Variants in IL4I1 observed in about 807,000 individuals in gnomAD.
IL4I1 encodes the protein interleukin 4 induced 1.
In IL4I1, 24 loss-of-function variants were observed where a neutral mutation model predicts 29.7. The ratio of observed to expected loss-of-function variants is 0.81; its 90% CI spans 0.59 to 1.14. The LOEUF is 1.14. Ranked by LOEUF, IL4I1 falls within the 50% of genes most tolerant of loss-of-function variation. The pLI, the probability that IL4I1 is intolerant of heterozygous loss-of-function variation, is 0.00. For synonymous variants in IL4I1, 371 were observed against 352.5 expected (o/e 1.05, Z -0.59); for missense variants, 686 against 785.6 (o/e 0.87, Z 1.52).
chr19:49,915,097 G>A (rs1018955807), intron 2 of IL4I1, among the ~76,000 whole-genome samples: 2 of 151,988 alleles, frequency 1.3e-5, no homozygotes, highest in Non-Finnish European at 2.9e-5. Flanking sequence ...AAGAATACAG[G>A]AGACCTCAGC....
In IL4I1 at chr19:49,890,272, G is replaced by T; in HGVS notation, c.1102C>A (p.His368Asn). ...GTGTTTGAGTGGCCGCCTTCAATGT[G>T]CTCCTCGCGCCAGAAGGGCCTGCGG... is the stretch of plus-strand genomic sequence containing the variant. ...SFRRPFWREE[H>N]IEGGHSNTDR... Residue 368 changes from histidine to asparagine, a missense_variant, in exon 8 of 8, where the codon CAC becomes AAC. Coordinates refer to ENST00000391826, the MANE Select transcript of IL4I1 (RefSeq NM_152899.2). The T allele has an allele frequency of 6.3e-7, 1 of 1,590,112 alleles. No homozygotes were observed.
chr19:49,919,740 A>T (rs2075718705), intron 2 of IL4I1, among the ~76,000 whole-genome samples: 1 of 152,198 alleles, frequency 6.6e-6, no homozygotes, highest in Non-Finnish European at 1.5e-5. Flanking sequence ...ACAACCATGG[A>T]AAAGTTAGGA....
At chr19:49,902,987 C>T (rs1167868954) in intron 3 of IL4I1, among the ~76,000 whole-genome samples, 3 of 151,702 alleles carry the variant, frequency 2.0e-5, no homozygotes, top group Admixed American at 1.3e-4. Flanking sequence ...TGGTAGTGCA[C>T]GCCTGTAGTC....
At chr19:49,925,618 A>AG (rs1260062115) in intron 2 of IL4I1, among the ~76,000 whole-genome samples, 2 of 152,210 alleles carry the variant, frequency 1.3e-5, no homozygotes, top group African/African-American at 4.8e-5. Flanking sequence ...CACAGGCCAG[A>AG]GGAGGCTGCG....
upstream of IL4I1, among the ~76,000 whole-genome samples, chr19:49,901,253 G>A (rs1180476080): frequency 2.0e-5 from 3 of 152,102 alleles, no homozygotes; most frequent in Admixed American, 6.5e-5. Context: ...GCGTGGTGGC[G>A]GGCATCTGTA....
Position 49,891,019 on chromosome 19 carries a change from C to T in IL4I1, c.725G>A (p.Ser242Asn), listed in dbSNP as rs772719153. 18 of 1,607,384 alleles carry T rather than the reference C, an allele frequency of 1.1e-5. No individual in the cohort carries two copies. The highest frequency in any genetic ancestry group is 1.5e-5 in the Non-Finnish European group (18 of 1,177,852). Residue 242 changes from serine (S) to asparagine (N), a missense_variant, in exon 7 of 8, where the codon AGC (serine) becomes AAC (asparagine). Transcript: ENST00000391826. ...GTGGGCCCGGAGGGCCTCGGCGAAG[C>T]TGAGATAGAAGAAGCCATCCTCGGA... ...VMSEDGFFYL[S>N]FAEALRAHSC... is the part of the protein sequence containing the mutation.
chr19:49,914,726 GTTTTTTTTTTTTTTTTTT>G (rs530372497), intron 2 of IL4I1, among the ~76,000 whole-genome samples: 4 of 56,404 alleles, frequency 7.1e-5, no homozygotes, highest in African/African-American at 1.3e-4. Flanking sequence ...CCAAGTCCCA[GTTTTTTTTTTTTTTTTTT>G]TTTTTTTTTT....
At chr19:49,923,502 C>T (rs945188319) in intron 2 of IL4I1, among the ~76,000 whole-genome samples, 5 of 152,192 alleles carry the variant, frequency 3.3e-5, no homozygotes, top group African/African-American at 1.2e-4. Context: ...CTGCACACGG[C>T]GGATCTGAAA....
At chr19:49,902,859 G>A (rs1319540602) in intron 3 of IL4I1, among the ~76,000 whole-genome samples, 1 of 151,886 alleles carries the variant, frequency 6.6e-6, no homozygotes, top group East Asian at 1.9e-4. Context: ...GCTCATGCCT[G>A]TAATCCCAGC....
Position 49,894,256 on chromosome 19 carries a change from G to A in IL4I1, c.567+12C>T. On this transcript the variant is annotated intron_variant, in intron 5 of 7. Transcript: ENST00000391826. ...GAAGTCAGGGCGGGAGGAGGGTGCA[G>A]GCGGTACCCACCTGGTTGAGAGCCA... 1 of 1,611,376 alleles carries A rather than the reference G, an allele frequency of 6.2e-7. No homozygotes were observed. Among genetic ancestry groups the A allele is most frequent in the Non-Finnish European group, 8.5e-7 (1 of 1,178,826 alleles).
chr19:49,902,900 A>C (rs773204778), intron 3 of IL4I1, among the ~76,000 whole-genome samples: 4 of 152,090 alleles, frequency 2.6e-5, no homozygotes, highest in Non-Finnish European at 5.9e-5. Flanking sequence ...GTGGATCACA[A>C]GGTCAGGAGA....
intron 3 of IL4I1, 117 bp downstream of exon 3, chr19:49,895,698 T>TCC: frequency 1.4e-6 from 1 of 705,418 alleles, no homozygotes; most frequent in African/African-American, 1.8e-5. Flanking sequence ...AGATAGCCTC[T>TCC]CCCCCCACAT....
chr19:49,896,344 C>T (rs562946671), intron 1 of IL4I1, among the ~76,000 whole-genome samples, 162 bp from the exon 2 acceptor site: 33 of 152,136 alleles, frequency 2.2e-4, no homozygotes, highest in African/African-American at 8.0e-4. Context: ...TCAGAGTCCC[C>T]TGGACCGTCC....
rs572947921 is a variant in IL4I1, at chr19:49,919,449, C to T, written c.-228+8245G>A. ...TTTAAGCAGGCTTATTCTCCTCACCCGGGTAGATGAGGAAACCGAGGCCCT... is the reference window on the plus strand; with the variant it reads ...TTTAAGCAGGCTTATTCTCCTCACCTGGGTAGATGAGGAAACCGAGGCCCT... On this transcript the variant is annotated intron_variant, in intron 2 of 9. Transcript: ENST00000341114. Among the ~76,000 whole-genome samples, 24 of 152,312 alleles carry T rather than the reference C, an allele frequency of 1.6e-4. 1 individual carries two copies. In the South Asian group the frequency reaches 4.8e-3, roughly 30 times the overall value.
chr19:49,893,246 C>T (rs1322435240), intron 5 of IL4I1, among the ~76,000 whole-genome samples: 2 of 151,740 alleles, frequency 1.3e-5, no homozygotes, highest in Non-Finnish European at 2.9e-5. Context: ...TGGTACCAGG[C>T]TGGGGAGACT....
intron 2 of IL4I1, chr19:49,908,009 C>T (rs2075361776): frequency 1.1e-6 from 1 of 875,776 alleles, no homozygotes; most frequent in African/African-American, 1.7e-5. Context: ...CAAAGATACT[C>T]AAATGAAAGC....
chr19:49,916,176 A>C (rs1284078497), intron 2 of IL4I1, among the ~76,000 whole-genome samples: 1 of 152,210 alleles, frequency 6.6e-6, no homozygotes, highest in African/African-American at 2.4e-5. Context: ...TCCAGGGCCA[A>C]GTCTTGACAT....
At chr19:49,905,175 C>CA (rs1416587920) in intron 2 of IL4I1, among the ~76,000 whole-genome samples, 1 of 152,090 alleles carries the variant, frequency 6.6e-6, no homozygotes, top group African/African-American at 2.4e-5. Flanking sequence ...GGTTAATATA[C>CA]AAAATAGGAA....
chr19:49,923,293 A>G (rs1398464557), intron 2 of IL4I1, among the ~76,000 whole-genome samples: 1 of 152,142 alleles, frequency 6.6e-6, no homozygotes, highest in East Asian at 1.9e-4. Context: ...TGCGTGACCC[A>G]GTTACCCTCC....
Sources: allele counts gnomAD v4.1 joint callset (sites outside exome capture counted in the v4.1 genomes callset), GRCh38; gene constraint gnomAD v4.1.1; transcripts MANE v1.5; gene names NCBI Gene and HGNC (gene_info 2026-07-23, HGNC 2026-07-21).